Variants in NKAIN2 observed in about 807,000 individuals in gnomAD.
NKAIN2 encodes sodium/potassium transporting ATPase interacting 2.
NKAIN2 carries 14 observed loss-of-function variants against 32.6 expected under a neutral mutation model. That is an observed-to-expected ratio of 0.43 (90% CI 0.28 to 0.67). The LOEUF is 0.67. NKAIN2 is among the 30% of genes least tolerant of loss of function. NKAIN2 has a pLI of 0.17. For missense variants in NKAIN2, 198 were observed against 258.3 expected (o/e 0.77, Z 1.60); for synonymous variants, 80 against 87.2 (o/e 0.92, Z 0.46).
rs1773528987 is a variant in NKAIN2, at chr6:123,812,741, G to A, written c.54+8487G>A. The stretch of plus-strand genomic sequence containing the variant: ...CTACATATTTGCCTTAGGCGGGGGA[G>A]TGGTGAAGAATCCTCATACTGACTT... On this transcript the variant is annotated intron_variant, in intron 1 of 6. Transcript: ENST00000368417. Among the ~76,000 whole-genome samples, 3 of 152,314 alleles carry A rather than the reference G, an allele frequency of 2.0e-5. No homozygotes were observed. The South Asian group carries it at 6.2e-4, about 32-fold the overall frequency.
At chr6:124,226,863 A>C (rs1209534795) in intron 1 of NKAIN2, among the ~76,000 whole-genome samples, 1 of 152,124 alleles carries the variant, frequency 6.6e-6, no homozygotes, top group Non-Finnish European at 1.5e-5. Context: ...TTCATTACTT[A>C]TGATGAATTT....
intron 1 of NKAIN2, among the ~76,000 whole-genome samples, chr6:124,219,944 T>A (rs1000822809): frequency 6.6e-6 from 1 of 152,168 alleles, no homozygotes; most frequent in Non-Finnish European, 1.5e-5. Context: ...TACTATATGC[T>A]ATTCTTTGTT....
intron 3 of NKAIN2, among the ~76,000 whole-genome samples, chr6:124,480,695 A>G (rs1166029489): frequency 6.6e-6 from 1 of 151,980 alleles, no homozygotes; most frequent in Non-Finnish European, 1.5e-5. Flanking sequence ...TTGCTTTGAA[A>G]AAGTGGCTCT....
intron 3 of NKAIN2, among the ~76,000 whole-genome samples, chr6:124,639,265 C>T (rs940402073): frequency 1.3e-5 from 2 of 152,156 alleles, no homozygotes; most frequent in African/African-American, 4.8e-5. Flanking sequence ...GATATCTGCA[C>T]CCCCATGTTT....
At chr6:124,010,300 A>G (rs1429106823) in intron 1 of NKAIN2, among the ~76,000 whole-genome samples, 2 of 151,792 alleles carry the variant, frequency 1.3e-5, no homozygotes, top group African/African-American at 2.4e-5. Context: ...GGTCTACACT[A>G]CTCTTGATAC....
intron 4 of NKAIN2, among the ~76,000 whole-genome samples, chr6:124,707,102 G>C (rs1775126234): frequency 6.7e-6 from 1 of 148,882 alleles, no homozygotes; most frequent in Non-Finnish European, 1.5e-5. Flanking sequence ...TTGGTTTTTT[G>C]TTCTTGCGAT....
chr6:124,149,320 CAT>C (rs1787579961), intron 1 of NKAIN2, among the ~76,000 whole-genome samples: 1 of 152,104 alleles, frequency 6.6e-6, no homozygotes, highest in Non-Finnish European at 1.5e-5. Context: ...TCTTTTGTCA[CAT>C]GTACTTTTAG....
intron 3 of NKAIN2, among the ~76,000 whole-genome samples, chr6:124,466,982 A>C (rs1246995690): frequency 2.6e-5 from 4 of 152,120 alleles, no homozygotes; most frequent in Non-Finnish European, 5.9e-5. Flanking sequence ...AATTATAAAA[A>C]ATATTTTTGT....
At chr6:124,135,150 A>G (rs1786678507) in intron 1 of NKAIN2, among the ~76,000 whole-genome samples, 1 of 152,124 alleles carries the variant, frequency 6.6e-6, no homozygotes, top group Non-Finnish European at 1.5e-5. Context: ...ACAAAACCTC[A>G]AAATACACCA....
At chr6:123,956,239 A>G (rs1252280291) in intron 1 of NKAIN2, among the ~76,000 whole-genome samples, 2 of 152,232 alleles carry the variant, frequency 1.3e-5, no homozygotes, top group Admixed American at 1.3e-4. Context: ...GAGTGATAAC[A>G]TCTGTTCTGA....
At chr6:124,726,688 T>C (rs9482572) in intron 4 of NKAIN2, among the ~76,000 whole-genome samples, 69,189 of 127,728 alleles carry the variant, frequency 0.54, 18,860 homozygotes, top group East Asian at 0.69. Flanking sequence ...TCACCAGCAA[T>C]GGAACAAAGC....
intron 1 of NKAIN2, among the ~76,000 whole-genome samples, chr6:124,209,116 G>A (rs78009443): frequency 0.012 from 1,831 of 148,932 alleles, 27 homozygotes; most frequent in South Asian, 0.04. Context: ...CTTTATACCC[G>A]CCTCGCCGCT....
intron 1 of NKAIN2, among the ~76,000 whole-genome samples, chr6:124,140,608 G>A (rs1018659489): frequency 1.3e-5 from 2 of 152,090 alleles, no homozygotes; most frequent in African/African-American, 4.8e-5. Context: ...GGCATGTAGG[G>A]CTAGGACATC....
chr6:124,326,192 C>T (rs1797403743), intron 2 of NKAIN2, among the ~76,000 whole-genome samples: 1 of 140,928 alleles, frequency 7.1e-6, no homozygotes, highest in African/African-American at 2.6e-5. Flanking sequence ...CTTTTCTGTT[C>T]TTTCAAAGCT....
intron 1 of NKAIN2, among the ~76,000 whole-genome samples, chr6:123,971,000 C>CA (rs1242399078): frequency 1.3e-5 from 2 of 152,082 alleles, no homozygotes; most frequent in Non-Finnish European, 2.9e-5. Context: ...TCCTGTAAAA[C>CA]ATCAAAATTG....
rs1245225668 is a variant in NKAIN2, at chr6:124,094,716, T to A, written c.55-188289T>A. Among the ~76,000 whole-genome samples the A allele has an allele frequency of 3.3e-5, 5 of 152,212 alleles. No homozygotes were observed. In the East Asian group the frequency reaches 5.8e-4, roughly 18 times the overall value. ...GCTGATGTCACCAAAGCAGTATATA[T>A]CAACATTTTTTACATAGTGAGGCAG... On this transcript the variant is annotated intron_variant, in intron 1 of 6. Coordinates refer to ENST00000368417, the MANE Select transcript of NKAIN2 (RefSeq NM_001040214.3).
chr6:124,613,316 A>C (rs1182074573), intron 3 of NKAIN2, among the ~76,000 whole-genome samples: 1 of 152,138 alleles, frequency 6.6e-6, no homozygotes, highest in Non-Finnish European at 1.5e-5. Flanking sequence ...CTGCTCACCA[A>C]GCTACCTTCC....
At chr6:123,814,539 G>A (rs1385990410) in intron 1 of NKAIN2, among the ~76,000 whole-genome samples, 1 of 152,140 alleles carries the variant, frequency 6.6e-6, no homozygotes, top group African/African-American at 2.4e-5. Context: ...TAATCCTAAA[G>A]GTAGACCTGT....
intron 2 of NKAIN2, among the ~76,000 whole-genome samples, chr6:124,323,292 T>C (rs1797270888): frequency 6.6e-6 from 1 of 152,198 alleles, no homozygotes; most frequent in Non-Finnish European, 1.5e-5. Flanking sequence ...ATCCAGTTTA[T>C]CAGTTTTTTT....
Sources: allele counts gnomAD v4.1 joint callset (sites outside exome capture counted in the v4.1 genomes callset), GRCh38; gene constraint gnomAD v4.1.1; transcripts MANE v1.5; gene names NCBI Gene and HGNC (gene_info 2026-07-23, HGNC 2026-07-21).